The following SAMD5 variants were observed in gnomAD, a reference collection of about 807,000 sequenced individuals.
The protein encoded by SAMD5 is sterile alpha motif domain containing 5.
Under a neutral mutation model 11.3 loss-of-function variants are expected in SAMD5, and 13 were observed. That is an observed-to-expected ratio of 1.15 (90% CI 0.75 to 1.83). SAMD5 has a LOEUF of 1.83. SAMD5 is among the 40% of genes most tolerant of loss of function. SAMD5 has a pLI of 0.00. For missense variants in SAMD5, 255 were observed against 239.1 expected (o/e 1.07, Z -0.44); for synonymous variants, 129 against 111.3 (o/e 1.16, Z -1.00).
At chr6:147,648,274 G>A (rs753249840) in intron 1 of SAMD5, among the ~76,000 whole-genome samples, 5 of 152,110 alleles carry the variant, frequency 3.3e-5, no homozygotes, top group African/African-American at 1.2e-4. Context: ...TTCACAGGGC[G>A]GCAAGAAGGA....
chr6:147,703,463 T>G (rs1264337810), intron 1 of SAMD5, among the ~76,000 whole-genome samples: 2 of 152,210 alleles, frequency 1.3e-5, no homozygotes, highest in East Asian at 3.9e-4. Context: ...CCAAACGGTA[T>G]CTTACCATTA....
chr6:147,737,113 T>C (rs962143492), intron 1 of SAMD5, among the ~76,000 whole-genome samples: 1 of 152,142 alleles, frequency 6.6e-6, no homozygotes, highest in East Asian at 1.9e-4. Context: ...ATATACATTA[T>C]AGTGTATTAT....
intron 1 of SAMD5, among the ~76,000 whole-genome samples, chr6:147,724,470 T>C (rs1263372525): frequency 6.6e-6 from 1 of 152,202 alleles, no homozygotes; most frequent in Non-Finnish European, 1.5e-5. Context: ...AGCTGATTCT[T>C]TTTACTTGTT....
At chr6:147,517,737 C>A (rs540752838) in intron 1 of SAMD5, among the ~76,000 whole-genome samples, 1 of 152,014 alleles carries the variant, frequency 6.6e-6, no homozygotes, top group Non-Finnish European at 1.5e-5. Context: ...TGGTGGCAAG[C>A]CTTCATTCTT....
At chr6:147,938,990 T>A in the SAMD5 span, among the ~76,000 whole-genome samples, 1 of 152,146 alleles carries the variant, frequency 6.6e-6, no homozygotes, top group South Asian at 2.1e-4. Flanking sequence ...ATCAAGTAAC[T>A]AGGGCACCCA....
the SAMD5 span, among the ~76,000 whole-genome samples, chr6:147,840,460 T>G: frequency 6.6e-6 from 1 of 152,194 alleles, no homozygotes; most frequent in Non-Finnish European, 1.5e-5. Context: ...GAGAAACAGG[T>G]GTATTCCTGG....
intron 1 of SAMD5, among the ~76,000 whole-genome samples, chr6:147,703,100 C>T (rs911340066): frequency 6.6e-6 from 1 of 152,136 alleles, no homozygotes; most frequent in Non-Finnish European, 1.5e-5. Flanking sequence ...AGGAGTCTTG[C>T]TCTGTCACCC....
intron 1 of SAMD5, among the ~76,000 whole-genome samples, chr6:147,654,975 C>T (rs1790544638): frequency 1.3e-5 from 2 of 152,108 alleles, no homozygotes; most frequent in Non-Finnish European, 2.9e-5. Context: ...GTGATCAGGA[C>T]CATGAGTGAT....
intron 1 of SAMD5, among the ~76,000 whole-genome samples, chr6:147,587,940 C>T (rs1405347660): frequency 6.6e-6 from 1 of 152,176 alleles, no homozygotes; most frequent in African/African-American, 2.4e-5. Flanking sequence ...AACTTGGAAA[C>T]TTTCAGTGTT....
At chr6:147,667,318 GAAAA>G (rs1790737072) in intron 1 of SAMD5, among the ~76,000 whole-genome samples, 1 of 151,950 alleles carries the variant, frequency 6.6e-6, no homozygotes, top group African/African-American at 2.4e-5. Context: ...GTGTTGATTA[GAAAA>G]AGAAAGAAAG....
At chr6:147,639,285 A>G (rs1451895364) in intron 1 of SAMD5, among the ~76,000 whole-genome samples, 1 of 152,220 alleles carries the variant, frequency 6.6e-6, no homozygotes, top group East Asian at 1.9e-4. Flanking sequence ...GAAGTAGATA[A>G]TTTTTAAAAT....
the SAMD5 span, among the ~76,000 whole-genome samples, chr6:147,824,876 C>G: frequency 6.6e-6 from 1 of 152,146 alleles, no homozygotes; most frequent in Non-Finnish European, 1.5e-5. Flanking sequence ...AGGCATCATG[C>G]AAAGCAATGG....
chr6:147,725,006 ATT>A (rs1466589005), intron 1 of SAMD5, among the ~76,000 whole-genome samples: 1 of 152,108 alleles, frequency 6.6e-6, no homozygotes, highest in Non-Finnish European at 1.5e-5. Flanking sequence ...AACCAGTCAT[ATT>A]TTTTGTTGAT....
the SAMD5 span, among the ~76,000 whole-genome samples, chr6:147,765,257 T>G: frequency 1.3e-5 from 2 of 152,202 alleles, no homozygotes; most frequent in Non-Finnish European, 2.9e-5. Context: ...TAGCTCTGTA[T>G]GAGGAATGAA....
intron 1 of SAMD5, among the ~76,000 whole-genome samples, chr6:147,636,661 G>C (rs572531293): frequency 1.7e-4 from 26 of 152,242 alleles, no homozygotes; most frequent in African/African-American, 6.3e-4. Context: ...TTAGGCATTT[G>C]GGTTCTGGGG....
chr6:147,560,021 A>G (rs925981889), intron 1 of SAMD5, among the ~76,000 whole-genome samples: 1 of 152,224 alleles, frequency 6.6e-6, no homozygotes, highest in Admixed American at 6.5e-5. Context: ...AATAAAGACT[A>G]TCTGACTTTC....
chr6:147,714,807 G>A (rs1791444386), intron 1 of SAMD5, among the ~76,000 whole-genome samples: 1 of 152,094 alleles, frequency 6.6e-6, no homozygotes, highest in Non-Finnish European at 1.5e-5. Context: ...TGACTTAGGT[G>A]GTCTTGGGGC....
chr6:147,749,147 C>T, the SAMD5 span, among the ~76,000 whole-genome samples: 4 of 150,252 alleles, frequency 2.7e-5, no homozygotes, highest in African/African-American at 9.8e-5. Flanking sequence ...GAAATGTTGT[C>T]TGTTACTGAA....
At chr6:147,878,596 CATATATATCTATATAG>C in the SAMD5 span, among the ~76,000 whole-genome samples, 1 of 143,672 alleles carries the variant, frequency 7.0e-6, no homozygotes, top group African/African-American at 2.6e-5. Context: ...GATATATATA[CATATATATCTATATAG>C]ATATATATGT....
Sources: gnomAD v4.1 joint callset for allele counts (sites outside exome capture counted in the v4.1 genomes callset) on GRCh38, gnomAD v4.1.1 for gene constraint, MANE v1.5 for transcripts, NCBI Gene and HGNC (gene_info 2026-07-23, HGNC 2026-07-21) for gene names.